Variants in PTPRR observed in about 807,000 individuals in gnomAD.
The protein encoded by PTPRR is receptor-type tyrosine-protein phosphatase R.
A neutral mutation model predicts 77.2 loss-of-function variants in PTPRR; 38 were observed. The ratio of observed to expected loss-of-function variants is 0.49; its 90% CI spans 0.38 to 0.65. The LOEUF is 0.65. Among genes scored for constraint, PTPRR ranks in the 30% least tolerant of loss-of-function variants. The pLI is 0.00. For missense variants in PTPRR, 744 were observed against 799.2 expected, an observed-to-expected ratio of 0.93 and a Z score of 0.83; for synonymous variants, 299 against 283.1, an observed-to-expected ratio of 1.06 and a Z score of -0.57.
At chr12:70,851,272 T>C (rs1367825383) in intron 2 of PTPRR, among the ~76,000 whole-genome samples, 2 of 152,072 alleles carry the variant, frequency 1.3e-5, no homozygotes, top group African/African-American at 2.4e-5. Context: ...TCTGGTAAAA[T>C]ACCCAGACAC....
At chr12:70,840,150 A>C (rs1426270447) in intron 2 of PTPRR, among the ~76,000 whole-genome samples, 1 of 152,128 alleles carries the variant, frequency 6.6e-6, no homozygotes, top group East Asian at 1.9e-4. Context: ...GCTAAAATCA[A>C]AGTATCACTG....
chr12:70,682,919 G>A (rs1183152460), intron 10 of PTPRR, among the ~76,000 whole-genome samples: 1 of 151,210 alleles, frequency 6.6e-6, no homozygotes. Context: ...CCAAAAATAT[G>A]CTATTTTTCC....
rs938307131 is a variant in PTPRR at position 70,669,559 on chromosome 12, T to C, written c.1498-6954A>G. 1.4e-3 allele frequency among the ~76,000 whole-genome samples: 199 copies of C among 141,776 alleles called. 1 individual carries two copies. Among genetic ancestry groups the C allele is most frequent in the Non-Finnish European group, 2.2e-3 (148 of 65,868 alleles). 93.0% of individuals were successfully genotyped at this position (141,776 alleles called of 152,430 possible). A position where few individuals can be genotyped will look rare whatever the true frequency, so the allele number is the denominator to read the frequency against. The stretch of plus-strand genomic sequence containing the variant: ...ACACAAGCCATATATATATATGTTA[T>C]ACACACACACACACACACACACACA... On this transcript the variant is annotated intron_variant, in intron 10 of 13. Transcript: ENST00000283228.
At chr12:70,825,242 C>T (rs1892088684) in intron 2 of PTPRR, among the ~76,000 whole-genome samples, 1 of 152,124 alleles carries the variant, frequency 6.6e-6, no homozygotes, top group Non-Finnish European at 1.5e-5. Flanking sequence ...AGCGCCACTA[C>T]ACTCCAGCCT....
At chr12:70,918,142 G>A (rs1180178838) in intron 1 of PTPRR, among the ~76,000 whole-genome samples, 4 of 152,144 alleles carry the variant, frequency 2.6e-5, no homozygotes, top group Admixed American at 2.6e-4. Flanking sequence ...AAGGAGCTGT[G>A]TTTGTTTTAG....
chr12:70,864,849 T>C (rs940406006), intron 2 of PTPRR, among the ~76,000 whole-genome samples: 5 of 152,194 alleles, frequency 3.3e-5, no homozygotes, highest in African/African-American at 2.4e-5. Flanking sequence ...TCTCACTCTG[T>C]TGCTCAGGCT....
intron 2 of PTPRR, among the ~76,000 whole-genome samples, chr12:70,783,221 T>C (rs1047712507): frequency 2.0e-5 from 3 of 152,156 alleles, no homozygotes; most frequent in Non-Finnish European, 4.4e-5. Flanking sequence ...GGAGACCCAC[T>C]GTTGATAGCT....
At chr12:70,865,066 G>T (rs900167710) in intron 2 of PTPRR, among the ~76,000 whole-genome samples, 1 of 152,062 alleles carries the variant, frequency 6.6e-6, no homozygotes, top group African/African-American at 2.4e-5. Flanking sequence ...GCCCGCCTTG[G>T]CCTCCCAAAG....
chr12:70,893,079 A>T, intron 1 of PTPRR, 102 bp from the exon 2 acceptor site: 7 of 1,267,424 alleles, frequency 5.5e-6, no homozygotes, highest in Non-Finnish European at 7.6e-6. Context: ...AGGCTTTAAG[A>T]CTTGTGAAGG....
chr12:70,818,428 G>T (rs111645962), intron 2 of PTPRR, among the ~76,000 whole-genome samples: 1 of 152,008 alleles, frequency 6.6e-6, no homozygotes, highest in Admixed American at 6.6e-5. Context: ...GAATATAAGC[G>T]TACTATGGGA....
chr12:70,695,883 A>G (rs1008539731), intron 8 of PTPRR, among the ~76,000 whole-genome samples: 2 of 152,210 alleles, frequency 1.3e-5, no homozygotes, highest in South Asian at 2.1e-4. Context: ...AGTTAAAAAT[A>G]TGTTATAGTT....
chr12:70,720,502 C>T (rs1021558501), intron 6 of PTPRR, among the ~76,000 whole-genome samples: 12 of 146,552 alleles, frequency 8.2e-5, no homozygotes, highest in African/African-American at 2.7e-4. Flanking sequence ...GCTCTGTTAC[C>T]CTGGTAATTT....
chr12:70,740,463 C>T (rs908197190), intron 6 of PTPRR, among the ~76,000 whole-genome samples: 2 of 151,910 alleles, frequency 1.3e-5, no homozygotes, highest in Admixed American at 6.6e-5. Flanking sequence ...ACCTCTGCTT[C>T]CCAGGCTCAA....
intron 2 of PTPRR, among the ~76,000 whole-genome samples, chr12:70,818,427 C>T (rs1312700279): frequency 3.3e-5 from 5 of 151,914 alleles, no homozygotes; most frequent in East Asian, 1.9e-4. Context: ...TGAATATAAG[C>T]GTACTATGGG....
intron 8 of PTPRR, among the ~76,000 whole-genome samples, chr12:70,694,492 G>A (rs1405890962): frequency 6.6e-6 from 1 of 152,130 alleles, no homozygotes; most frequent in African/African-American, 2.4e-5. Flanking sequence ...ACAAAATCAT[G>A]TCCTTTGCAG....
chr12:70,893,378 C>T (rs1339106627), intron 1 of PTPRR, among the ~76,000 whole-genome samples: 2 of 151,838 alleles, frequency 1.3e-5, no homozygotes, highest in Non-Finnish European at 2.9e-5. Flanking sequence ...ATAAGCATTT[C>T]CTACAATTCT....
chr12:70,845,054 G>T (rs1892460927), intron 2 of PTPRR, among the ~76,000 whole-genome samples: 1 of 152,202 alleles, frequency 6.6e-6, no homozygotes, highest in Non-Finnish European at 1.5e-5. Context: ...AAGGAGACTG[G>T]CTTTGAACTG....
intron 2 of PTPRR, among the ~76,000 whole-genome samples, chr12:70,847,163 A>G (rs191929978): frequency 1.9e-3 from 286 of 152,346 alleles, no homozygotes; most frequent in African/African-American, 6.4e-3. Context: ...TTGCTCTGCC[A>G]CAGTTTATGC....
At chr12:70,689,977 C>T (rs1888001577) in intron 8 of PTPRR, among the ~76,000 whole-genome samples, 1 of 152,198 alleles carries the variant, frequency 6.6e-6, no homozygotes, top group Admixed American at 6.5e-5. Context: ...TAAGTTTTCA[C>T]TTATAGCAGG....
Sources: gnomAD v4.1 joint callset for allele counts (sites outside exome capture counted in the v4.1 genomes callset) on GRCh38, gnomAD v4.1.1 for gene constraint, MANE v1.5 for transcripts, NCBI Gene and HGNC (gene_info 2026-07-23, HGNC 2026-07-21) for gene names.